STK36: variants seen among roughly 807,000 people sequenced by gnomAD.
The protein encoded by STK36 is serine/threonine-protein kinase 36.
Under a neutral mutation model 142.2 loss-of-function variants are expected in STK36, and 116 were observed. The observed-to-expected ratio is 0.82, with a 90% CI of 0.70 to 0.95. STK36 has a LOEUF of 0.95. Among genes scored for constraint, STK36 ranks in the 40% least tolerant of loss-of-function variants. STK36 has a pLI of 0.00. For missense variants in STK36, 1,422 were observed against 1,617.2 expected, an observed-to-expected ratio of 0.88 and a Z score of 2.07; for synonymous variants, 619 against 641.7, an observed-to-expected ratio of 0.96 and a Z score of 0.53.
intron 21 of STK36, among the ~76,000 whole-genome samples, chr2:218,695,867 T>C (rs1283916790): frequency 1.4e-5 from 2 of 142,212 alleles, no homozygotes; most frequent in Admixed American, 1.4e-4. Context: ...GAATTCTTTT[T>C]TTTTTTTTTT....
At chr2:218,676,352 A>T (rs1329779361) in intron 6 of STK36, 74 bp downstream of exon 6, 1 of 1,559,504 alleles carries the variant, frequency 6.4e-7, no homozygotes, top group African/African-American at 1.4e-5. Flanking sequence ...CTTTTTCCAA[A>T]TCCTTTTCCA....
In STK36 at chr2:218,699,456, T is replaced by C. The variant is rs372887830; in HGVS notation, c.3804+108T>C. 8 of 1,464,616 alleles carry C rather than the reference T, an allele frequency of 5.5e-6. No individual in the cohort carries two copies. In the African/African-American group the frequency reaches 5.7e-5, roughly 10 times the overall value. 90.7% of individuals were successfully genotyped at this position (1,464,616 alleles called of 1,614,324 possible). On this transcript the variant is annotated intron_variant, in intron 26 of 26. Transcript: ENST00000295709. ...TGGAATCGGGACATGGAGAAACTTA[T>C]GCCGTGTTTCTCCCAGGGACAGTGT...
At chr2:218,688,387 T>A (rs1940859336) in intron 11 of STK36, 1 of 533,178 alleles carries the variant, frequency 1.9e-6, no homozygotes, top group Non-Finnish European at 3.6e-6. Context: ...TTTTTGTTTT[T>A]AAGGTGAAGG....
Position 218,699,106 on chromosome 2 carries a change from C to A in STK36, c.3562C>A (p.Pro1188Thr), listed in dbSNP as rs763274249. 10 of 1,613,948 alleles carry A rather than the reference C, an allele frequency of 6.2e-6. No homozygotes were observed. Among genetic ancestry groups the A allele is most frequent in the South Asian group, 1.1e-5 (1 of 91,088 alleles). The part of the protein sequence containing the change: ...NAAYQAGPLG[P>T]ALAAAVPSMT... The stretch of plus-strand genomic sequence containing the variant: ...AGCCTACCAGGCTGGTCCTCTGGGA[C>A]CTGCCCTGGCAGCTGCAGTGCCCAG... Residue 1188 changes from proline to threonine, a missense_variant, in exon 26 of 27, where the codon CCT (proline) becomes ACT (threonine). Physicochemically the swap from Pro to Thr is conservative, Grantham distance 38. Coordinates refer to ENST00000295709, the MANE Select transcript of STK36 (RefSeq NM_015690.5).
intron 5 of STK36, among the ~76,000 whole-genome samples, chr2:218,675,678 C>T (rs1419559005): frequency 6.6e-6 from 1 of 152,096 alleles, no homozygotes; most frequent in African/African-American, 2.4e-5. Context: ...GCATGTGCCA[C>T]CATGCCTGGC....
rs756093613 is a variant in STK36, at chr2:218,699,009, C to G, written c.3465C>G (p.Ser1155Arg). ...GALQSQSGLLSLLLLGLGDKD... is the reference protein window; with the variant it reads ...GALQSQSGLLRLLLLGLGDKD... ...TGCAGAGCCAGTCTGGACTGCTCAGCCTTCTGCTGCTTGGGCTTGGAGACA... is the reference window on the plus strand; with the variant it reads ...TGCAGAGCCAGTCTGGACTGCTCAGGCTTCTGCTGCTTGGGCTTGGAGACA... The change falls in exon 26 of 27, where the codon AGC becomes AGG. Residue 1155 changes from serine to arginine, a missense_variant. Physicochemically the swap from Ser to Arg is moderately radical, Grantham distance 110 (BLOSUM62 -1). This residue lies in a region of STK36 where 962 missense variants were observed against 1,167.5 expected (regional missense o/e 0.82). Coordinates refer to ENST00000295709, the MANE Select transcript of STK36 (RefSeq NM_015690.5). The G allele has an allele frequency of 6.2e-7, 1 of 1,614,186 alleles. No individual in the cohort carries two copies. Among genetic ancestry groups the G allele is most frequent in the South Asian group, 1.1e-5 (1 of 91,084 alleles).
chr2:218,697,099 C>T lies in STK36; in HGVS notation c.2647C>T (p.His883Tyr). 9 of 1,614,168 alleles carry T rather than the reference C, an allele frequency of 5.6e-6. No individual in the cohort carries two copies. Among genetic ancestry groups the T allele is most frequent in the Non-Finnish European group, 7.6e-6 (9 of 1,180,044 alleles). Residue 883 changes from histidine to tyrosine, a missense_variant, in exon 23 of 27, where the codon CAC becomes TAC. His to Tyr is a moderately conservative substitution (Grantham distance 83, BLOSUM62 2). Transcript: ENST00000295709. ...SSSEMWTVLW[H>Y]RFSMVLRLPE... ...TTCAGAAATGTGGACCGTTTTGTGG[C>T]ACCGCTTCTCCATGGTCCTGAGGCT...
At chr2:218,675,255 G>A in intron 4 of STK36, 88 bp from the exon 5 acceptor site, 2 of 1,403,394 alleles carry the variant, frequency 1.4e-6, no homozygotes, top group South Asian at 1.4e-5. Flanking sequence ...GAAAAGATTA[G>A]CAGTAATATT....
intron 16 of STK36, among the ~76,000 whole-genome samples, 157 bp downstream of exon 16, chr2:218,692,867 G>A (rs1376528545): frequency 6.6e-6 from 1 of 152,236 alleles, no homozygotes; most frequent in Non-Finnish European, 1.5e-5. Context: ...TGTAGAACAT[G>A]ATATAGCCAG....
chr2:218,694,548 A>G lies in STK36; in HGVS notation c.2424A>G (p.Gly808=). 1 of 1,614,190 alleles carries G rather than the reference A, an allele frequency of 6.2e-7. No individual in the cohort carries two copies. The highest frequency in any genetic ancestry group is 8.5e-7 in the Non-Finnish European group (1 of 1,180,030). The change falls in exon 21 of 27, where the codon GGA becomes GGG. Residue 808 remains glycine, a synonymous_variant. Transcript: ENST00000295709. The surrounding 1 kb of genome is among the most constrained non-coding windows in gnomAD (Gnocchi z 4.4). ...AGAGTGCAGCAGCCTGTCTATTGGG[A>G]CAGCTTGGTCAGCAAGGGGTGACCT... ...SLVSAAACLL[G]QLGQQGVTFD...
Position 218,679,724 on chromosome 2 carries a change from C to T in STK36, c.943C>T (p.Gln315Ter), listed in dbSNP as rs1263812436. The T allele has an allele frequency of 6.2e-7, 1 of 1,614,174 alleles. No individual in the cohort carries two copies. Among genetic ancestry groups the T allele is most frequent in the East Asian group, 2.2e-5 (1 of 44,892 alleles). Residue 315 changes from glutamine to a stop codon, truncating the protein, a stop_gained, in exon 8 of 27, where the codon CAG becomes TAG. Coordinates refer to ENST00000295709, the MANE Select transcript of STK36 (RefSeq NM_015690.5). LOFTEE classifies it high-confidence loss of function. Reference sequence around the variant, plus strand: ...TAAACGCATGGCTGAGGAGGCCATGCAGAAGGTGTGTGGGGCAGAGGAAAA... The same window carrying T: ...TAAACGCATGGCTGAGGAGGCCATGTAGAAGGTGTGTGGGGCAGAGGAAAA... ...AYKRMAEEAM[Q>*]KKHQNTGPAL...
rs2710256 is a variant in STK36, at chr2:218,694,350, C to T, written c.2400+23C>T. 2.2e-3 allele frequency: 3,551 copies of T among 1,609,312 alleles called. 54 individuals carry two copies. The African/African-American group carries it at 0.04, about 18-fold the overall frequency. On this transcript the variant is annotated intron_variant, in intron 20 of 26. Transcript: ENST00000295709. The surrounding 1 kb of genome is among the most constrained non-coding windows in gnomAD (Gnocchi z 4.4). ...GTGGTAAGTTTTTAACCTTCACCCT[C>T]CTCCCCTTTTCACCCTAGCATCTAC...
Position 218,673,896 on chromosome 2 carries a change from C to T in STK36, c.243C>T (p.Asp81=). The T allele has an allele frequency of 6.2e-7, 1 of 1,614,148 alleles. No individual in the cohort carries two copies. Among genetic ancestry groups the T allele is most frequent in the South Asian group, 1.1e-5 (1 of 91,064 alleles). The change falls in exon 4 of 27, where the codon GAC becomes GAT. Residue 81 remains aspartate, a synonymous_variant. Coordinates refer to ENST00000295709, the MANE Select transcript of STK36 (RefSeq NM_015690.5). ...CTCTGTAGGTGGTGGTGGTGACAGA[C>T]TATGCTGAGGGAGAGCTCTTTCAGA... ...ETDKEVVVVT[D]YAEGELFQIL...
chr2:218,672,800 T>C lies in STK36; in HGVS notation c.-30T>C. The C allele has an allele frequency of 6.2e-7, 1 of 1,610,730 alleles. No individual in the cohort carries two copies. Among genetic ancestry groups the C allele is most frequent in the Non-Finnish European group, 8.5e-7 (1 of 1,176,980 alleles). On this transcript the variant is annotated 5_prime_UTR_variant, in exon 2 of 27. Coordinates refer to ENST00000295709, the MANE Select transcript of STK36 (RefSeq NM_015690.5). ...ATAGCTCTTCACCGTCTCTACTTTC[T>C]TCCTTCTAAGAGATCCTGAAACCTC... is the stretch of plus-strand genomic sequence containing the variant.
chr2:218,698,339 C>G (rs2106366877), intron 25 of STK36, among the ~76,000 whole-genome samples: 1 of 152,230 alleles, frequency 6.6e-6, no homozygotes, highest in African/African-American at 2.4e-5. Flanking sequence ...GGTCTTTGTT[C>G]TTTTGTTGTT....
rs1315033136 is a variant in STK36, at chr2:218,697,056, A to C, written c.2604A>C (p.Leu868=). 2 of 1,614,050 alleles carry C rather than the reference A, an allele frequency of 1.2e-6. No individual in the cohort carries two copies. The highest frequency in any genetic ancestry group is 2.2e-5 in the South Asian group (2 of 91,060). The change falls in exon 23 of 27, where the codon CTA becomes CTC. Residue 868 remains leucine (L), a synonymous_variant. Coordinates refer to ENST00000295709, the MANE Select transcript of STK36 (RefSeq NM_015690.5). ...ATCTCTAGCAGGGGAAGGCTAGCCT[A>C]ATCAGGGATATGTCCAGTTCAGAAA... ...QLLTEQGKAS[L]IRDMSSSEMW...
At chr2:218,684,103 G>C (rs1224835969) in intron 10 of STK36, among the ~76,000 whole-genome samples, 4 of 137,328 alleles carry the variant, frequency 2.9e-5, no homozygotes, top group Non-Finnish European at 6.1e-5. Context: ...CCAGCCTCAC[G>C]ATCTTTTTTT....
intron 13 of STK36, 112 bp downstream of exon 13, chr2:218,690,068 G>C (rs1377336944): frequency 1.9e-6 from 2 of 1,067,934 alleles, no homozygotes; most frequent in African/African-American, 1.6e-5. Context: ...ATTTGTTACA[G>C]GTTTAGGAAT....
At chr2:218,676,322 G>A (rs373319576) in intron 6 of STK36, 44 bp downstream of exon 6, 3 of 1,607,614 alleles carry the variant, frequency 1.9e-6, no homozygotes, top group Non-Finnish European at 2.6e-6. Context: ...TTAGAAATCT[G>A]TCTCCCTCTA....
Sources: allele counts gnomAD v4.1 joint callset (sites outside exome capture counted in the v4.1 genomes callset), GRCh38; gene constraint gnomAD v4.1.1; regional missense constraint gnomAD v4.1.1; non-coding constraint Gnocchi (gnomAD v3.1); transcripts MANE v1.5; gene names NCBI Gene and HGNC (gene_info 2026-07-23, HGNC 2026-07-21).